Variants in NIBAN1 observed in about 807,000 individuals in gnomAD.
NIBAN1 encodes protein Niban 1.
NIBAN1 carries 81 observed loss-of-function variants against 75.1 expected under a neutral mutation model. The observed-to-expected ratio is 1.08, with a 90% CI of 0.90 to 1.30. The LOEUF is 1.30. Among genes scored for constraint, NIBAN1 ranks in the 50% most tolerant of loss-of-function variants. The pLI is 0.00. For missense variants in NIBAN1, 1,133 were observed against 1,128.1 expected (o/e 1.00, Z -0.06); for synonymous variants, 436 against 424.8 (o/e 1.03, Z -0.32).
chr1:184,909,451 G>A (rs1422569267), intron 1 of NIBAN1, among the ~76,000 whole-genome samples: 1 of 152,082 alleles, frequency 6.6e-6, no homozygotes, highest in Non-Finnish European at 1.5e-5. Flanking sequence ...TGTGTTTGGG[G>A]CCCAGATATG....
chr1:184,829,349 C>A (rs1654931994), intron 6 of NIBAN1, among the ~76,000 whole-genome samples: 1 of 151,978 alleles, frequency 6.6e-6, no homozygotes, highest in African/African-American at 2.4e-5. Context: ...ACCATGATGG[C>A]AAGGGACGAG....
chr1:184,803,252 A>G (rs1354025277), intron 12 of NIBAN1, among the ~76,000 whole-genome samples: 1 of 152,194 alleles, frequency 6.6e-6, no homozygotes, highest in Non-Finnish European at 1.5e-5. Flanking sequence ...ATTCTATGTC[A>G]ACCCCTAGTT....
At chr1:184,948,566 AT>A (rs1227372274) in intron 1 of NIBAN1, among the ~76,000 whole-genome samples, 1 of 152,230 alleles carries the variant, frequency 6.6e-6, no homozygotes, top group African/African-American at 2.4e-5. Flanking sequence ...ATATTTATGC[AT>A]TAGGATGTTC....
chr1:184,821,256 C>T (rs1254249571), intron 8 of NIBAN1, among the ~76,000 whole-genome samples: 2 of 152,062 alleles, frequency 1.3e-5, no homozygotes, highest in Admixed American at 1.3e-4. Context: ...TCCCAAGAGT[C>T]ATATGGGAGG....
At chr1:184,863,403 T>G (rs1418779681) in intron 5 of NIBAN1, among the ~76,000 whole-genome samples, 2 of 152,374 alleles carry the variant, frequency 1.3e-5, no homozygotes, top group East Asian at 1.9e-4. Flanking sequence ...AGAAGATGCA[T>G]GTAATAGATG....
rs73054660 is a variant in NIBAN1 at position 184,961,876 on chromosome 1, C to T, written c.55+12426G>A. On this transcript the variant is annotated intron_variant, in intron 1 of 13. Coordinates refer to ENST00000367511, the MANE Select transcript of NIBAN1 (RefSeq NM_052966.4). The stretch of plus-strand genomic sequence containing the variant: ...TTTTAGCCTCTAGGACATTGCTGTG[C>T]GTAAGAATTTAATACTATTTACTGC... 2.1e-3 allele frequency among the ~76,000 whole-genome samples: 324 copies of T among 152,306 alleles called. 1 individual carries two copies. Among genetic ancestry groups the T allele is most frequent in the African/African-American group, 7.4e-3 (306 of 41,562 alleles).
chr1:184,845,911 C>A (rs1479409442), intron 5 of NIBAN1, among the ~76,000 whole-genome samples: 3 of 82,356 alleles, frequency 3.6e-5, no homozygotes, highest in Non-Finnish European at 7.3e-5. Flanking sequence ...TTGCGCTTTT[C>A]AGACCAGCTT....
chr1:184,824,466 C>T (rs572932422), intron 6 of NIBAN1, among the ~76,000 whole-genome samples: 1 of 152,164 alleles, frequency 6.6e-6, no homozygotes, highest in East Asian at 1.9e-4. Context: ...TGCTTCTCCA[C>T]AGCCAGAACC....
At chr1:184,971,349 C>T (rs953758731) in intron 1 of NIBAN1, among the ~76,000 whole-genome samples, 2 of 150,860 alleles carry the variant, frequency 1.3e-5, no homozygotes, top group Non-Finnish European at 3.0e-5. Context: ...ATCACTGATG[C>T]CTGGAATCTA....
At chr1:184,832,022 C>T in intron 5 of NIBAN1, 60 bp from the exon 6 acceptor site, 1 of 1,234,510 alleles carries the variant, frequency 8.1e-7, no homozygotes, top group Non-Finnish European at 1.2e-6. Flanking sequence ...CCCCATAGCT[C>T]TTCAAGTGTA....
chr1:184,961,786 T>C (rs1658657975), intron 1 of NIBAN1, among the ~76,000 whole-genome samples: 1 of 152,248 alleles, frequency 6.6e-6, no homozygotes, highest in African/African-American at 2.4e-5. Flanking sequence ...GAAAGTCTGC[T>C]AGTAAGGCAT....
intron 1 of NIBAN1, among the ~76,000 whole-genome samples, chr1:184,911,264 A>G (rs1382854235): frequency 6.6e-6 from 1 of 152,238 alleles, no homozygotes; most frequent in Non-Finnish European, 1.5e-5. Context: ...CTTCTATGTA[A>G]TAAGTTCTAA....
chr1:184,957,071 C>T lies in NIBAN1; in HGVS notation c.55+17231G>A, dbSNP rs139578703. ...TAAACTGGGTCTCAAAAACCAACAA[C>T]AACACAAAAAGACTCCCACCATCGC... is the stretch of plus-strand genomic sequence containing the variant. On this transcript the variant is annotated intron_variant, in intron 1 of 13. Transcript: ENST00000367511. Among the ~76,000 whole-genome samples the T allele has an allele frequency of 6.6e-5, 10 of 152,342 alleles. No individual in the cohort carries two copies. The East Asian group carries it at 1.9e-3, about 29-fold the overall frequency.
intron 1 of NIBAN1, among the ~76,000 whole-genome samples, chr1:184,920,797 G>A (rs1238576374): frequency 6.6e-6 from 1 of 152,042 alleles, no homozygotes; most frequent in Non-Finnish European, 1.5e-5. Context: ...GTAAACTCAG[G>A]GAAGTAAGGC....
At chr1:184,960,784 C>T (rs904193035) in intron 1 of NIBAN1, among the ~76,000 whole-genome samples, 9 of 152,106 alleles carry the variant, frequency 5.9e-5, no homozygotes, top group African/African-American at 2.2e-4. Flanking sequence ...ACGTGTGCCA[C>T]CACACCCGGC....
At chr1:184,899,744 C>G (rs1367206180) in intron 1 of NIBAN1, among the ~76,000 whole-genome samples, 1 of 151,422 alleles carries the variant, frequency 6.6e-6, no homozygotes, top group Non-Finnish European at 1.5e-5. Flanking sequence ...TCCAGTCATT[C>G]AGCTCCTCCC....
intron 1 of NIBAN1, among the ~76,000 whole-genome samples, chr1:184,937,514 A>G (rs1657992932): frequency 6.6e-6 from 1 of 152,214 alleles, no homozygotes; most frequent in African/African-American, 2.4e-5. Context: ...TCACCTTAAT[A>G]AATATTTCTT....
At chr1:184,805,324 A>G (rs1654165732) in intron 11 of NIBAN1, among the ~76,000 whole-genome samples, 1 of 152,238 alleles carries the variant, frequency 6.6e-6, no homozygotes, top group African/African-American at 2.4e-5. Flanking sequence ...ATTAAGTCAC[A>G]TTAGCTTTTA....
At chr1:184,858,947 A>C (rs775265397) in intron 5 of NIBAN1, among the ~76,000 whole-genome samples, 1 of 152,136 alleles carries the variant, frequency 6.6e-6, no homozygotes, top group Non-Finnish European at 1.5e-5. Flanking sequence ...TCACATGGTC[A>C]CCTTAAAAAA....
Sources: gnomAD v4.1 joint callset for allele counts (sites outside exome capture counted in the v4.1 genomes callset) on GRCh38, gnomAD v4.1.1 for gene constraint, MANE v1.5 for transcripts, NCBI Gene and HGNC (gene_info 2026-07-23, HGNC 2026-07-21) for gene names.